Variants in RAB14 observed in about 807,000 individuals in gnomAD.
RAB14 encodes the protein ras-related protein Rab-14.
Under a neutral mutation model 31.1 loss-of-function variants are expected in RAB14, and 3 were observed. The ratio of observed to expected loss-of-function variants is 0.10; its 90% CI spans 0.04 to 0.25. The LOEUF (loss-of-function observed/expected upper bound fraction) is 0.25. Among genes scored for constraint, RAB14 ranks in the 10% least tolerant of loss-of-function variants. RAB14 has a pLI of 1.00. For missense variants in RAB14, 111 were observed against 260.1 expected (o/e 0.43, Z 3.94); for synonymous variants, 85 against 84.9 (o/e 1.00, Z 0.00).
chr9:121,196,922 CAG>C (rs2053720647), intron 1 of RAB14, among the ~76,000 whole-genome samples: 2 of 152,118 alleles, frequency 1.3e-5, no homozygotes, highest in Non-Finnish European at 2.9e-5. Context: ...CACAACTCTG[CAG>C]AGTCATTATC....
intron 3 of RAB14, 102 bp downstream of exon 3, chr9:121,192,069 T>A (rs1012506055): frequency 1.2e-6 from 1 of 817,638 alleles, no homozygotes; most frequent in Non-Finnish European, 1.9e-6. Flanking sequence ...AGGGAAAGGT[T>A]ATATTTAAAT....
chr9:121,201,370 C>T lies in RAB14; in HGVS notation c.-8+269G>A, dbSNP rs1019235435. Among the ~76,000 whole-genome samples, 26 of 152,222 alleles carry T rather than the reference C, an allele frequency of 1.7e-4. No individual in the cohort carries two copies. In the South Asian group the frequency reaches 2.1e-3, roughly 12 times the overall value. ...CGAGGCCGGAACACACCCTTCCCTG[C>T]ACGCCTCGGAGCGCCCCGCCGGTTG... On this transcript the variant is annotated intron_variant, in intron 1 of 7. Coordinates refer to ENST00000373840, the MANE Select transcript of RAB14 (RefSeq NM_016322.4).
intron 1 of RAB14, among the ~76,000 whole-genome samples, chr9:121,193,982 T>C (rs2053700410): frequency 6.6e-6 from 1 of 152,148 alleles, no homozygotes; most frequent in Non-Finnish European, 1.5e-5. Flanking sequence ...TCCAAATCAA[T>C]GTTGGAACTA....
chr9:121,199,162 G>A (rs575744908), intron 1 of RAB14, among the ~76,000 whole-genome samples: 2 of 152,210 alleles, frequency 1.3e-5, no homozygotes, highest in South Asian at 2.1e-4. Flanking sequence ...CAAGTTAAAA[G>A]GATTAATAGT....
intron 4 of RAB14, among the ~76,000 whole-genome samples, chr9:121,188,626 G>A (rs2053670580): frequency 1.3e-5 from 2 of 151,328 alleles, no homozygotes; most frequent in Non-Finnish European, 2.9e-5. Context: ...ATTTAGAAAA[G>A]CACCCTGTAA....
intron 2 of RAB14, among the ~76,000 whole-genome samples, chr9:121,193,063 A>C (rs1228641613): frequency 3.9e-5 from 6 of 152,152 alleles, no homozygotes; most frequent in African/African-American, 1.4e-4. Flanking sequence ...TATTTTAGGA[A>C]TGTTTCTGCA....
At chr9:121,197,213 A>G (rs1311651128) in intron 1 of RAB14, among the ~76,000 whole-genome samples, 1 of 152,206 alleles carries the variant, frequency 6.6e-6, no homozygotes, top group Non-Finnish European at 1.5e-5. Flanking sequence ...CATAGTAAAC[A>G]CTAACAACTG....
chr9:121,192,954 T>C (rs1364810143), intron 2 of RAB14, among the ~76,000 whole-genome samples: 5 of 152,248 alleles, frequency 3.3e-5, no homozygotes, highest in East Asian at 3.9e-4. Context: ...AAAAATACTA[T>C]ATTTTATATA....
At chr9:121,186,900 T>G in intron 5 of RAB14, 53 bp downstream of exon 5, 23 of 1,293,134 alleles carry the variant, frequency 1.8e-5, no homozygotes, top group East Asian at 2.7e-5. Context: ...CTTCCCTTTT[T>G]GGGTTAGCTT....
chr9:121,195,843 A>C (rs1301778511), intron 1 of RAB14, among the ~76,000 whole-genome samples: 2 of 152,174 alleles, frequency 1.3e-5, no homozygotes, highest in Non-Finnish European at 2.9e-5. Flanking sequence ...TTATTCTAAG[A>C]AGATACTGTC....
Position 121,181,478 on chromosome 9 carries a change from C to G in RAB14, c.566G>C (p.Gly189Ala). Reference sequence around the variant, plus strand: ...CGGGGCTGAAGGTTTGTGTTGTACACCAGACTCAGCAGCATTCAGATCCAA... The same window carrying G: ...CGGGGCTGAAGGTTTGTGTTGTACAGCAGACTCAGCAGCATTCAGATCCAA... ...GSLDLNAAES[G>A]VQHKPSAPQG... Residue 189 changes from glycine to alanine, a missense_variant, in exon 8 of 8, where the codon GGT (glycine) becomes GCT (alanine). Coordinates refer to ENST00000373840, the MANE Select transcript of RAB14 (RefSeq NM_016322.4). 1 of 1,613,494 alleles carries G rather than the reference C, an allele frequency of 6.2e-7. No homozygotes were observed. Among genetic ancestry groups the G allele is most frequent in the Non-Finnish European group, 8.5e-7 (1 of 1,179,570 alleles).
chr9:121,197,225 G>A (rs1173855219), intron 1 of RAB14, among the ~76,000 whole-genome samples: 1 of 152,094 alleles, frequency 6.6e-6, no homozygotes, highest in Non-Finnish European at 1.5e-5. Context: ...TAACAACTGT[G>A]CCATGTATTC....
rs771079487 is a variant in RAB14, at chr9:121,178,707, T to C, written c.*2689A>G. The C allele has an allele frequency of 2.3e-4, 35 of 152,256 alleles. No homozygotes were observed. Among genetic ancestry groups the C allele is most frequent in the Non-Finnish European group, 2.4e-4 (16 of 68,012 alleles). 9.4% of individuals were successfully genotyped at this position (152,256 alleles called of 1,614,324 possible). ...CACCAACCAAAAAAAAATAATAAGT[T>C]ACTCCATCAAACACGTTATTATCCA... is the stretch of plus-strand genomic sequence containing the variant. On this transcript the variant is annotated 3_prime_UTR_variant, in exon 8 of 8. Transcript: ENST00000373840.
intron 7 of RAB14, among the ~76,000 whole-genome samples, chr9:121,182,490 A>G (rs936037173): frequency 6.6e-6 from 1 of 152,242 alleles, no homozygotes; most frequent in Non-Finnish European, 1.5e-5. Context: ...ACATGGAAGA[A>G]CAATTAGAAA....
At chr9:121,197,071 GTAT>G (rs1251758284) in intron 1 of RAB14, among the ~76,000 whole-genome samples, 1 of 152,070 alleles carries the variant, frequency 6.6e-6, no homozygotes, top group Non-Finnish European at 1.5e-5. Flanking sequence ...TTTCTCTAAG[GTAT>G]TATTAGCTTA....
chr9:121,198,571 GTTAT>G (rs2053731572), intron 1 of RAB14, among the ~76,000 whole-genome samples: 1 of 152,124 alleles, frequency 6.6e-6, no homozygotes, highest in South Asian at 2.1e-4. Flanking sequence ...TCTTATCCTT[GTTAT>G]TTCCACTGAT....
chr9:121,182,208 G>A (rs1041124988), intron 7 of RAB14, among the ~76,000 whole-genome samples: 1 of 152,122 alleles, frequency 6.6e-6, no homozygotes, highest in Non-Finnish European at 1.5e-5. Context: ...ATAACAGAGA[G>A]GATACTCCAA....
chr9:121,192,991 C>T lies in RAB14; in HGVS notation c.52+370G>A, dbSNP rs1264166566. 2.0e-5 allele frequency among the ~76,000 whole-genome samples: 3 copies of T among 152,024 alleles called. No individual in the cohort carries two copies. The East Asian group carries it at 5.8e-4, about 29-fold the overall frequency. ...ATTACACAATTGATTTGGAATCAAA[C>T]AATATTCTCTACCAATTTTTCCTTA... On this transcript the variant is annotated intron_variant, in intron 2 of 7. Transcript: ENST00000373840.
chr9:121,199,323 T>C (rs928809436), intron 1 of RAB14, among the ~76,000 whole-genome samples: 6 of 152,352 alleles, frequency 3.9e-5, no homozygotes, highest in African/African-American at 1.4e-4. Flanking sequence ...ATTTTGTATA[T>C]ATTTAAAATT....
Sources: allele counts gnomAD v4.1 joint callset (sites outside exome capture counted in the v4.1 genomes callset), GRCh38; gene constraint gnomAD v4.1.1; transcripts MANE v1.5; gene names NCBI Gene and HGNC (gene_info 2026-07-23, HGNC 2026-07-21).